SART3: variants seen among roughly 807,000 people sequenced by gnomAD.
SART3 encodes the protein spliceosome associated factor 3, U4/U6 recycling protein, also known as HIV-1 Tat-interacting protein of 110kDa.
A neutral mutation model predicts 122.3 loss-of-function variants in SART3; 44 were observed. The observed-to-expected ratio is 0.36, with a 90% CI of 0.28 to 0.46. SART3 has a LOEUF of 0.46. Among genes scored for constraint, SART3 ranks in the 20% least tolerant of loss-of-function variants. SART3 has a pLI of 1.00. For synonymous variants in SART3, 442 were observed against 454.0 expected (o/e 0.97, Z 0.34); for missense variants, 1,101 against 1,229.0 (o/e 0.90, Z 1.56).
At chr12:108,524,692 C>T in intron 17 of SART3, 186 bp from the exon 18 acceptor site, 1 of 637,902 alleles carries the variant, frequency 1.6e-6, no homozygotes, top group Non-Finnish European at 2.8e-6. Context: ...CCACCCTACT[C>T]TCCTTCCCGA....
chr12:108,540,508 T>G (rs1197312465), intron 6 of SART3, among the ~76,000 whole-genome samples: 1 of 151,898 alleles, frequency 6.6e-6, no homozygotes, highest in Non-Finnish European at 1.5e-5. Flanking sequence ...AACCTATATA[T>G]GTTCATAGAT....
At chr12:108,529,306 C>A (rs1037670524) in intron 15 of SART3, among the ~76,000 whole-genome samples, 1 of 151,822 alleles carries the variant, frequency 6.6e-6, no homozygotes, top group Non-Finnish European at 1.5e-5. Context: ...CGCACACGCA[C>A]ACACACACAC....
chr12:108,526,133 G>A lies in SART3; in HGVS notation c.2336C>T (p.Pro779Leu), dbSNP rs374727642. Reference protein sequence around the residue: ...SVEGRPMFVSPCVDKSKNPDF... With the variant: ...SVEGRPMFVSLCVDKSKNPDF... ...GGGGTTTTTGCTCTTATCCACACAG[G>A]GGGAAACAAACATTGGCCTCCCTTC... Residue 779 changes from proline to leucine, a missense_variant, in exon 16 of 19, where the codon CCC (proline) becomes CTC (leucine). Transcript: ENST00000546815. 56 of 1,614,038 alleles carry A rather than the reference G, an allele frequency of 3.5e-5. No homozygotes were observed. The highest frequency in any genetic ancestry group is 4.6e-5 in the Non-Finnish European group (54 of 1,180,022).
chr12:108,551,067 C>T (rs1197699591), intron 1 of SART3, among the ~76,000 whole-genome samples: 1 of 151,966 alleles, frequency 6.6e-6, no homozygotes, highest in Non-Finnish European at 1.5e-5. Flanking sequence ...AAAAACACAA[C>T]CCAACTATAT....
intron 1 of SART3, among the ~76,000 whole-genome samples, chr12:108,559,321 A>C (rs566058199): frequency 6.6e-6 from 1 of 152,316 alleles, no homozygotes; most frequent in South Asian, 2.1e-4. Flanking sequence ...TGAATAACTT[A>C]AAGGAAATCA....
At position 108,547,307 on chromosome 12, in the gene SART3, G is replaced by A. The variant is rs1202823436; in HGVS notation, c.544+580C>T. On this transcript the variant is annotated intron_variant, in intron 3 of 18. Coordinates refer to ENST00000546815, the MANE Select transcript of SART3 (RefSeq NM_014706.4). Reference sequence around the variant, plus strand: ...ATACCAGCAGGCGAGGGAGGTCTCTGTGGGGACAGAACAGCTCTGTATCTG... The same window carrying A: ...ATACCAGCAGGCGAGGGAGGTCTCTATGGGGACAGAACAGCTCTGTATCTG... 5.9e-5 allele frequency among the ~76,000 whole-genome samples: 9 copies of A among 152,338 alleles called. No individual in the cohort carries two copies. The East Asian group carries it at 7.7e-4, about 13-fold the overall frequency.
intron 3 of SART3, among the ~76,000 whole-genome samples, chr12:108,546,007 A>G (rs373526721): frequency 1.7e-4 from 26 of 148,884 alleles, no homozygotes; most frequent in African/African-American, 5.4e-4. Flanking sequence ...ATAGTTTTAT[A>G]TTCATAAAAC....
intron 1 of SART3, among the ~76,000 whole-genome samples, chr12:108,552,345 A>G (rs985482863): frequency 1.3e-5 from 2 of 152,146 alleles, no homozygotes; most frequent in East Asian, 3.8e-4. Context: ...CTTTTCCAAC[A>G]AAGTCCTATA....
intron 11 of SART3, 139 bp from the exon 12 acceptor site, chr12:108,535,607 C>T (rs1872870105): frequency 1.3e-6 from 1 of 768,486 alleles, no homozygotes; most frequent in Non-Finnish European, 2.3e-6. Flanking sequence ...ATTCCCCAGG[C>T]CTCCCTCCAG....
chr12:108,532,129 C>T (rs1872706229), intron 13 of SART3, 93 bp downstream of exon 13: 2 of 1,086,374 alleles, frequency 1.8e-6, no homozygotes, highest in Non-Finnish European at 2.8e-6. Context: ...AGCATAAACA[C>T]AGTCTGTCCC....
chr12:108,560,728 G>A (rs749322774), intron 1 of SART3, 115 bp downstream of exon 1: 12 of 882,222 alleles, frequency 1.4e-5, no homozygotes, highest in East Asian at 2.7e-5. Flanking sequence ...CACGAAAAGC[G>A]GGTTTGCAGC....
At chr12:108,554,706 CA>C (rs1252194702) in intron 1 of SART3, among the ~76,000 whole-genome samples, 6 of 149,032 alleles carry the variant, frequency 4.0e-5, no homozygotes, top group African/African-American at 1.5e-4. Flanking sequence ...TTTAATAATA[CA>C]TTAAAATTCC....
intron 15 of SART3, 78 bp from the exon 16 acceptor site, chr12:108,526,631 A>G: frequency 6.8e-7 from 1 of 1,479,466 alleles, no homozygotes; most frequent in Non-Finnish European, 9.3e-7. Context: ...GTGTGAAGTG[A>G]AAGTGCTGTG....
At chr12:108,535,986 T>A (rs866247619) in intron 11 of SART3, among the ~76,000 whole-genome samples, 2 of 152,304 alleles carry the variant, frequency 1.3e-5, no homozygotes. Context: ...GGAGAAAACA[T>A]GATTAGAATT....
intron 7 of SART3, 96 bp downstream of exon 7, chr12:108,538,838 A>G: frequency 6.9e-7 from 1 of 1,447,814 alleles, no homozygotes; most frequent in South Asian, 1.2e-5. Flanking sequence ...GAAAAGCAAG[A>G]GTAGGGCCGT....
chr12:108,530,062 G>T, intron 15 of SART3, 80 bp downstream of exon 15: 1 of 1,515,228 alleles, frequency 6.6e-7, no homozygotes, highest in Non-Finnish European at 9.1e-7. Context: ...ACGGTTCAGG[G>T]AAGAAAGTTC....
chr12:108,541,954 C>T (rs4964722), intron 6 of SART3, among the ~76,000 whole-genome samples: 110,559 of 149,136 alleles, frequency 0.74, 42,891 homozygotes, highest in East Asian at 0.92. Context: ...CCTACCTTCG[C>T]CTCTGGAGAA....
At chr12:108,538,721 C>G (rs1319976983) in intron 7 of SART3, among the ~76,000 whole-genome samples, 3 of 152,154 alleles carry the variant, frequency 2.0e-5, no homozygotes, top group Non-Finnish European at 1.5e-5. Flanking sequence ...AAGTCCTCAA[C>G]ACAGACAATA....
chr12:108,529,357 A>C (rs1872544734), intron 15 of SART3, among the ~76,000 whole-genome samples: 1 of 152,154 alleles, frequency 6.6e-6, no homozygotes, highest in Non-Finnish European at 1.5e-5. Flanking sequence ...AACAATAACC[A>C]ACAGCAGTGA....
Sources: gnomAD v4.1 joint callset for allele counts (sites outside exome capture counted in the v4.1 genomes callset) on GRCh38, gnomAD v4.1.1 for gene constraint, MANE v1.5 for transcripts, NCBI Gene and HGNC (gene_info 2026-07-23, HGNC 2026-07-21) for gene names.